Variants in OR7E24 observed in about 807,000 individuals in gnomAD.
The protein encoded by OR7E24 is olfactory receptor 7E24.
For synonymous variants in OR7E24, 130 were observed against 157.5 expected (o/e 0.83, Z 1.31); for missense variants, 385 against 410.3 (o/e 0.94, Z 0.53).
chr19:9,227,548 C>G, the OR7E24 span, among the ~76,000 whole-genome samples: 980 of 152,046 alleles, frequency 6.4e-3, 3 homozygotes, highest in Non-Finnish European at 0.012. Flanking sequence ...TTTTTTATGG[C>G]TGCATAGTAT....
At chr19:9,245,592 T>C (rs763244958), upstream of OR7E24, among the ~76,000 whole-genome samples, 1 of 152,194 alleles carries the variant, frequency 6.6e-6, no homozygotes, top group Non-Finnish European at 1.5e-5. Flanking sequence ...TGAACAGATA[T>C]TTGTATAACC....
At chr19:9,221,518 T>C in the OR7E24 span, among the ~76,000 whole-genome samples, 1 of 122,046 alleles carries the variant, frequency 8.2e-6, no homozygotes, top group African/African-American at 4.9e-5. Context: ...GCCCGGCTAC[T>C]TTTTTGTATT....
At chr19:9,218,205 A>G in the OR7E24 span, among the ~76,000 whole-genome samples, 1 of 152,228 alleles carries the variant, frequency 6.6e-6, no homozygotes, top group Non-Finnish European at 1.5e-5. Context: ...ACTATAACAC[A>G]AAATAGAAAT....
the OR7E24 span, among the ~76,000 whole-genome samples, chr19:9,237,593 G>T: frequency 5.7e-4 from 87 of 152,140 alleles, no homozygotes; most frequent in Non-Finnish European, 1.0e-3. Context: ...GGGATTACAG[G>T]CATGAGCCAC....
At chr19:9,217,603 A>G in the OR7E24 span, among the ~76,000 whole-genome samples, 3 of 152,238 alleles carry the variant, frequency 2.0e-5, no homozygotes, top group Non-Finnish European at 2.9e-5. Context: ...TAGTGGTGCT[A>G]TCTCTGTTCA....
chr19:9,240,610 C>G, the OR7E24 span, among the ~76,000 whole-genome samples: 1 of 152,116 alleles, frequency 6.6e-6, no homozygotes, highest in Non-Finnish European at 1.5e-5. Context: ...TGGTACCATG[C>G]TCCATTTTCT....
At chr19:9,214,870 A>C in the OR7E24 span, 1 of 1,390,844 alleles carries the variant, frequency 7.2e-7, no homozygotes, top group Non-Finnish European at 9.9e-7. Context: ...AAGGAGGAAA[A>C]AGCAACGTTT....
the OR7E24 span, chr19:9,214,312 G>A: frequency 8.7e-6 from 14 of 1,614,158 alleles, no homozygotes; most frequent in Non-Finnish European, 1.0e-5. Context: ...CAGAAGAAAT[G>A]CGGAATCTCA....
chr19:9,222,042 C>G, the OR7E24 span, among the ~76,000 whole-genome samples: 4 of 152,172 alleles, frequency 2.6e-5, no homozygotes, highest in Non-Finnish European at 5.9e-5. Flanking sequence ...GCCTGGATAT[C>G]CAGTTTTCCC....
chr19:9,232,477 G>T, the OR7E24 span, among the ~76,000 whole-genome samples: 1 of 147,330 alleles, frequency 6.8e-6, no homozygotes, highest in African/African-American at 2.6e-5. Flanking sequence ...GGCGGAGGTT[G>T]CAGTGAGCCA....
chr19:9,214,301 A>G, the OR7E24 span: 1 of 1,614,206 alleles, frequency 6.2e-7, no homozygotes, highest in Non-Finnish European at 8.5e-7. Flanking sequence ...GAGCCGGTTC[A>G]CAGAAGAAAT....
the OR7E24 span, among the ~76,000 whole-genome samples, chr19:9,224,626 A>G: frequency 6.6e-6 from 1 of 152,074 alleles, no homozygotes; most frequent in South Asian, 2.1e-4. Flanking sequence ...TTAACTGAGC[A>G]TGGTGGTGCA....
the OR7E24 span, among the ~76,000 whole-genome samples, chr19:9,230,706 T>C: frequency 6.6e-6 from 1 of 151,962 alleles, no homozygotes; most frequent in East Asian, 1.9e-4. Context: ...TTCTATATCA[T>C]TGTTGTTGTC....
chr19:9,233,671 T>G, the OR7E24 span, among the ~76,000 whole-genome samples: 1 of 152,180 alleles, frequency 6.6e-6, no homozygotes, highest in Non-Finnish European at 1.5e-5. Flanking sequence ...TCCTTGATGG[T>G]CAGCACAGTT....
At chr19:9,231,827 T>C in the OR7E24 span, among the ~76,000 whole-genome samples, 8 of 152,192 alleles carry the variant, frequency 5.3e-5, no homozygotes, top group Non-Finnish European at 7.3e-5. Context: ...AACAGAAACG[T>C]ATTTTATTTA....
At chr19:9,230,282 T>C in the OR7E24 span, among the ~76,000 whole-genome samples, 1 of 152,102 alleles carries the variant, frequency 6.6e-6, no homozygotes, top group Non-Finnish European at 1.5e-5. Flanking sequence ...TAACCTCAGG[T>C]GATCCCCCTG....
chr19:9,227,830 T>C, the OR7E24 span, among the ~76,000 whole-genome samples: 11,198 of 142,758 alleles, frequency 0.078, 583 homozygotes, highest in East Asian at 0.23. Flanking sequence ...CTCGGCTCAC[T>C]GCAAGCTCCG....
At chr19:9,250,883 A>G, upstream of OR7E24, 1 of 598,138 alleles carries the variant, frequency 1.7e-6, no homozygotes, top group Admixed American at 3.1e-5. Flanking sequence ...TGTATACAGA[A>G]AGAGGTGAAT....
chr19:9,214,737 A>G, the OR7E24 span: 4 of 1,614,086 alleles, frequency 2.5e-6, no homozygotes, highest in South Asian at 4.4e-5. Flanking sequence ...GACCAGGTAC[A>G]TGGACAGGAA....
Sources: allele counts gnomAD v4.1 joint callset (sites outside exome capture counted in the v4.1 genomes callset), GRCh38; gene constraint gnomAD v4.1.1; transcripts MANE v1.5; gene names NCBI Gene and HGNC (gene_info 2026-07-23, HGNC 2026-07-21).